EPB41L3: variants seen among roughly 807,000 people sequenced by gnomAD.
EPB41L3 encodes erythrocyte membrane protein band 4.1 like 3.
EPB41L3 carries 57 observed loss-of-function variants against 127.1 expected under a neutral mutation model. That is an observed-to-expected ratio of 0.45 (90% CI 0.36 to 0.56). EPB41L3 has a LOEUF of 0.56. EPB41L3 is among the 20% of genes least tolerant of loss of function. EPB41L3 has a pLI of 0.00. For missense variants in EPB41L3, 1,273 were observed against 1,372.2 expected (o/e 0.93, Z 1.14); for synonymous variants, 572 against 549.5 (o/e 1.04, Z -0.57).
chr18:5,588,229 C>G (rs1037647363), intron 3 of EPB41L3, among the ~76,000 whole-genome samples: 2 of 152,028 alleles, frequency 1.3e-5, no homozygotes, highest in African/African-American at 4.8e-5. Flanking sequence ...TTGATTCCAG[C>G]CTGGGACTTG....
intron 1 of EPB41L3, among the ~76,000 whole-genome samples, chr18:5,490,631 C>A (rs902310406): frequency 5.9e-5 from 9 of 152,080 alleles, no homozygotes; most frequent in Non-Finnish European, 1.3e-4. Flanking sequence ...GGTAGTGATG[C>A]AAATAAAATG....
Position 5,416,111 on chromosome 18 carries a change from G to T in EPB41L3, c.1774C>A (p.Leu592Ile). The change falls in exon 13 of 23, where the codon CTC becomes ATC. Residue 592 changes from leucine (L) to isoleucine (I), a missense_variant. Leu to Ile is a conservative substitution (Grantham distance 5). Around this residue, in one of 3 missense-constraint regions of EPB41L3, gnomAD observed 765 missense variants for 782.9 expected, o/e 0.98. Coordinates refer to ENST00000341928, the MANE Select transcript of EPB41L3 (RefSeq NM_012307.5). ...GTTLFSFSLQLPESFPSLLDD... is the reference protein window; with the variant it reads ...GTTLFSFSLQIPESFPSLLDD... ...AGGAGGGAGGGGAATGACTCAGGGA[G>T]CTGCAAGGAGAAGGAGAACAGGGTG... 1 of 1,612,722 alleles carries T rather than the reference G, an allele frequency of 6.2e-7. No homozygotes were observed. Among genetic ancestry groups the T allele is most frequent in the Middle Eastern group, 1.7e-4 (1 of 6,052 alleles).
intron 2 of EPB41L3, among the ~76,000 whole-genome samples, chr18:5,484,852 T>C (rs1274843740): frequency 6.6e-6 from 1 of 151,600 alleles, no homozygotes; most frequent in African/African-American, 2.4e-5. Context: ...TAAAAAGTCT[T>C]CTATCAAAAA....
At chr18:5,577,965 C>T (rs1401068012) in intron 3 of EPB41L3, among the ~76,000 whole-genome samples, 1 of 152,068 alleles carries the variant, frequency 6.6e-6, no homozygotes, top group Non-Finnish European at 1.5e-5. Flanking sequence ...GGAGTCTGAG[C>T]TCATTTAACT....
chr18:5,488,148 G>A (rs1048514843), intron 2 of EPB41L3, among the ~76,000 whole-genome samples: 1 of 152,128 alleles, frequency 6.6e-6, no homozygotes, highest in East Asian at 1.9e-4. Context: ...ACTCAAACAT[G>A]TACAGGGAAA....
chr18:5,607,493 C>T (rs2094673198), intron 3 of EPB41L3, among the ~76,000 whole-genome samples: 1 of 152,116 alleles, frequency 6.6e-6, no homozygotes, highest in Admixed American at 6.5e-5. Context: ...GCCATATTAC[C>T]CTGACTAATA....
intron 3 of EPB41L3, among the ~76,000 whole-genome samples, chr18:5,585,979 T>A (rs1402422784): frequency 6.6e-6 from 1 of 152,188 alleles, no homozygotes; most frequent in Non-Finnish European, 1.5e-5. Context: ...GTTAACACTA[T>A]TACCTCCCCT....
In EPB41L3 at chr18:5,431,616, C is replaced by A. The variant is rs76137487; in HGVS notation, c.912+1853G>T. 4.1e-3 allele frequency among the ~76,000 whole-genome samples: 618 copies of A among 152,248 alleles called. 1 individual carries two copies. Among genetic ancestry groups the A allele is most frequent in the Middle Eastern group, 6.8e-3 (2 of 294 alleles). ...CACTGATACATCCTGAGGTGCACTT[C>A]CTGAAATGCATATCCTAATCTTTTA... On this transcript the variant is annotated intron_variant, in intron 8 of 22. Coordinates refer to ENST00000341928, the MANE Select transcript of EPB41L3 (RefSeq NM_012307.5).
Position 5,433,465 on chromosome 18 carries a change from A to G in EPB41L3, c.912+4T>C, listed in dbSNP as rs2079283020. On this transcript the variant is annotated splice_donor_region_variant and intron_variant, in intron 8 of 22. Coordinates refer to ENST00000341928, the MANE Select transcript of EPB41L3 (RefSeq NM_012307.5). The stretch of plus-strand genomic sequence containing the variant: ...GAAAGTTTAGGGTTTAAAAAGATGC[A>G]TACCTTAGCATGATGTAAATCTACC... 6.2e-7 allele frequency: 1 copy of G among 1,605,408 alleles called. No homozygotes were observed. The highest frequency in any genetic ancestry group is 8.5e-7 in the Non-Finnish European group (1 of 1,173,130).
rs1417635310 is a variant in EPB41L3 at position 5,419,698 on chromosome 18, C to G, written c.1506+13G>C. 11 of 1,613,406 alleles carry G rather than the reference C, an allele frequency of 6.8e-6. No individual in the cohort carries two copies. Among genetic ancestry groups the G allele is most frequent in the Non-Finnish European group, 9.3e-6 (11 of 1,179,934 alleles). On this transcript the variant is annotated intron_variant, in intron 12 of 22. Coordinates refer to ENST00000341928, the MANE Select transcript of EPB41L3 (RefSeq NM_012307.5). Reference sequence around the variant, plus strand: ...GCTGGAGCAAGCTCTTGCAGGCAGTCTGGGAGCTATACCTTTCCCTCGTGC... The same window carrying G: ...GCTGGAGCAAGCTCTTGCAGGCAGTGTGGGAGCTATACCTTTCCCTCGTGC...
intron 3 of EPB41L3, among the ~76,000 whole-genome samples, chr18:5,551,702 AG>A (rs997181202): frequency 1.3e-5 from 2 of 152,226 alleles, no homozygotes; most frequent in African/African-American, 4.8e-5. Flanking sequence ...CCTGGGCAAC[AG>A]AGCAAGACCC....
At chr18:5,413,042 T>G (rs1312931082) in intron 13 of EPB41L3, among the ~76,000 whole-genome samples, 1 of 152,210 alleles carries the variant, frequency 6.6e-6, no homozygotes, top group Non-Finnish European at 1.5e-5. Context: ...TGAATAAGGC[T>G]GAATAAAACA....
At chr18:5,398,343 G>T (rs1567976462) in intron 16 of EPB41L3, 200 bp from the exon 17 acceptor site, 7 of 635,076 alleles carry the variant, frequency 1.1e-5, no homozygotes, top group Non-Finnish European at 1.6e-5. Flanking sequence ...AAGCAGAGAC[G>T]GTTATTAGGA....
Position 5,451,341 on chromosome 18 carries a change from T to C in EPB41L3, c.382-6097A>G, listed in dbSNP as rs575307486. On this transcript the variant is annotated intron_variant, in intron 3 of 22. Coordinates refer to ENST00000341928, the MANE Select transcript of EPB41L3 (RefSeq NM_012307.5). Reference sequence around the variant, plus strand: ...ATGTGTTTCAATCCATCTCAGGCATTACCCATAATGATGCTCTCAATGTCC... The same window carrying C: ...ATGTGTTTCAATCCATCTCAGGCATCACCCATAATGATGCTCTCAATGTCC... Among the ~76,000 whole-genome samples, 3 of 152,320 alleles carry C rather than the reference T, an allele frequency of 2.0e-5. No homozygotes were observed. The South Asian group carries it at 6.2e-4, about 32-fold the overall frequency.
At chr18:5,621,808 A>T (rs1159177193) in intron 1 of EPB41L3, among the ~76,000 whole-genome samples, 1 of 152,200 alleles carries the variant, frequency 6.6e-6, no homozygotes, top group African/African-American at 2.4e-5. Context: ...AGTTTTTCCT[A>T]ATTATTTTGG....
intron 3 of EPB41L3, among the ~76,000 whole-genome samples, chr18:5,461,550 T>C (rs753367877): frequency 3.0e-4 from 46 of 152,200 alleles, no homozygotes; most frequent in Admixed American, 5.9e-4. Flanking sequence ...AGAAGAAACC[T>C]GCACCAATCA....
chr18:5,619,706 A>G lies in EPB41L3; in HGVS notation c.-467-5283T>C, dbSNP rs918380096. On this transcript the variant is annotated intron_variant, in intron 1 of 21. Transcript: ENST00000545076. ...GGTCAAGAGAAAGTGTTTTTAAGAT[A>G]TGTACTATACTTCAGCCATGTATTA... Among the ~76,000 whole-genome samples, 4 of 152,206 alleles carry G rather than the reference A, an allele frequency of 2.6e-5. No homozygotes were observed. The South Asian group carries it at 8.3e-4, about 32-fold the overall frequency.
chr18:5,499,096 C>T (rs1222159497), intron 1 of EPB41L3, among the ~76,000 whole-genome samples: 1 of 145,758 alleles, frequency 6.9e-6, no homozygotes, highest in Admixed American at 6.8e-5. Context: ...ATAAAGGAAG[C>T]TAGTCACTCG....
chr18:5,601,791 T>A (rs2094594730), intron 3 of EPB41L3, among the ~76,000 whole-genome samples: 1 of 152,218 alleles, frequency 6.6e-6, no homozygotes, highest in Non-Finnish European at 1.5e-5. Context: ...GTTTTCCTCA[T>A]CCTTTCCATA....
Sources: allele counts gnomAD v4.1 joint callset (sites outside exome capture counted in the v4.1 genomes callset), GRCh38; gene constraint gnomAD v4.1.1; regional missense constraint gnomAD v4.1.1; transcripts MANE v1.5; gene names NCBI Gene and HGNC (gene_info 2026-07-23, HGNC 2026-07-21).